The following PIM2 variants were observed in gnomAD, a reference collection of about 807,000 sequenced individuals.
PIM2 encodes the protein serine/threonine-protein kinase pim-2.
In PIM2, 3 loss-of-function variants were observed where a neutral mutation model predicts 18.0. The ratio of observed to expected loss-of-function variants is 0.17; its 90% CI spans 0.08 to 0.43. The LOEUF (loss-of-function observed/expected upper bound fraction) is 0.43, where lower values mean the gene tolerates loss of function less well. Among genes scored for constraint, PIM2 ranks in the 20% least tolerant of loss-of-function variants. PIM2 has a pLI of 0.99. For missense variants in PIM2, 181 were observed against 260.8 expected, an observed-to-expected ratio of 0.69 and a Z score of 2.11; for synonymous variants, 117 against 105.3, an observed-to-expected ratio of 1.11 and a Z score of -0.68.
chrX:48,918,519 A>G lies in PIM2; in HGVS notation c.171+17T>C. On this transcript the variant is annotated intron_variant, in intron 2 of 5. Coordinates refer to ENST00000376509, the MANE Select transcript of PIM2 (RefSeq NM_006875.4). ...GCCACACGCACCTGACCCTCCCAAG[A>G]CCCTCATGACGGATACCTGGAGTCG... is the stretch of plus-strand genomic sequence containing the variant. The G allele has an allele frequency of 3.5e-6, 4 of 1,142,634 alleles. 1 individual carries two copies. The Admixed American group carries it at 6.7e-5, about 19-fold the overall frequency. The allele number at this position is 1,142,634 out of a possible 1,213,427, so 94.2% of individuals were successfully genotyped here. A position where few individuals can be genotyped will look rare whatever the true frequency, so the allele number is the denominator to read the frequency against.
At position 48,917,835 on chromosome X, in the gene PIM2, GAGA is replaced by G. The variant is rs1569512379; in HGVS notation, c.172-7_172-5del. 2.5e-6 allele frequency: 3 copies of G among 1,194,323 alleles called. No homozygotes were observed. The highest frequency in any genetic ancestry group is 3.0e-5 in the East Asian group (1 of 33,130). On this transcript the variant is annotated splice_region_variant and splice_polypyrimidine_tract_variant and intron_variant, in intron 2 of 5. Transcript: ENST00000376509. Reference sequence around the variant, plus strand: ...GGGGAATCACTTTGATGGCCACCTGGAGAAGAAGGCCGTGATAAGGAGGCCAGC... The same window carrying G: ...GGGGAATCACTTTGATGGCCACCTGGAGAAGGCCGTGATAAGGAGGCCAGC...
chrX:48,918,097 G>C (rs1050257606), intron 2 of PIM2, among the ~76,000 whole-genome samples: 28 of 109,351 alleles, frequency 2.6e-4, no homozygotes, highest in African/African-American at 9.4e-4. Flanking sequence ...CTGAGTTCTA[G>C]ATTTCCTGAT....
chrX:48,914,860 T>C, intron 4 of PIM2, 160 bp downstream of exon 4: 1 of 526,132 alleles, frequency 1.9e-6, no homozygotes, highest in Non-Finnish European at 3.1e-6. Context: ...AGATGGACTT[T>C]ATCAGAGGGC....
rs781804057 is a variant in PIM2 at position 48,915,407 on chromosome X, G to T, written c.223-15C>A. 5 of 1,186,230 alleles carry T rather than the reference G, an allele frequency of 4.2e-6. No homozygotes were observed. The highest frequency in any genetic ancestry group is 1.8e-5 in the African/African-American group (1 of 56,787). On this transcript the variant is annotated splice_polypyrimidine_tract_variant and intron_variant, in intron 3 of 5. Transcript: ENST00000376509. ...ACTGAGTCTGACTGGGGGCACAGGT[G>T]GGGTGGGAAGCAGGGAGAGAAAAAA...
In PIM2 at chrX:48,913,414, C is replaced by T. The variant is rs1248416687; in HGVS notation, c.*717G>A. 1.8e-5 allele frequency: 2 copies of T among 108,780 alleles called. No homozygotes were observed. Among genetic ancestry groups the T allele is most frequent in the Non-Finnish European group, 3.8e-5 (2 of 52,312 alleles). The allele number at this position is 108,780 out of a possible 1,213,427, so 9.0% of individuals were successfully genotyped here. A position where few individuals can be genotyped will look rare whatever the true frequency, so the allele number is the denominator to read the frequency against. On this transcript the variant is annotated 3_prime_UTR_variant, in exon 6 of 6. Coordinates refer to ENST00000376509, the MANE Select transcript of PIM2 (RefSeq NM_006875.4). ...CAAGCCTTATTTCCCCTAGCCCATC[C>T]CCCAAAAAACCATCCATCCCATCCT...
Position 48,915,536 on chromosome X carries a change from C to T in PIM2, c.223-144G>A, listed in dbSNP as rs1209997838. 5.6e-6 allele frequency: 3 copies of T among 531,552 alleles called. No homozygotes were observed. In the African/African-American group the frequency reaches 7.1e-5, roughly 13 times the overall value. 43.8% of individuals were successfully genotyped at this position (531,552 alleles called of 1,213,427 possible). ...AAGCAACTCACTTCCCTTCCTGGGC[C>T]TCACTTTCCCTAAAGACACAAACTC... is the stretch of plus-strand genomic sequence containing the variant. On this transcript the variant is annotated intron_variant, in intron 3 of 5. Transcript: ENST00000376509.
Position 48,914,305 on chromosome X carries a change from A to G in PIM2, c.773-11T>C, listed in dbSNP as rs1557044954. 2 of 1,210,778 alleles carry G rather than the reference A, an allele frequency of 1.7e-6. No individual in the cohort carries two copies. The highest frequency in any genetic ancestry group is 2.2e-6 in the Non-Finnish European group (2 of 895,047). On this transcript the variant is annotated splice_polypyrimidine_tract_variant and intron_variant, in intron 5 of 5. Coordinates refer to ENST00000376509, the MANE Select transcript of PIM2 (RefSeq NM_006875.4). ...TTAGGGCACAGCAGTCTGTAGGCCA[A>G]GAAGCAGAGAGGGAAGATTAGCAGT... is the stretch of plus-strand genomic sequence containing the variant.
Position 48,915,262 on chromosome X carries a change from C to T in PIM2, c.353G>A (p.Arg118Gln), listed in dbSNP as rs2063559991. The change falls in exon 4 of 6, where the codon CGG becomes CAG. Residue 118 changes from arginine (R) to glutamine (Q), a missense_variant. Physicochemically the swap from Arg to Gln is conservative, Grantham distance 43 (BLOSUM62 1). Transcript: ENST00000376509. ...AAAGAGATCCTGGGCGGGCAAAGGC[C>T]GCTCGAGGACCAGCATGAAGCCCTC... is the stretch of plus-strand genomic sequence containing the variant. ...TQEGFMLVLERPLPAQDLFDY... is the reference protein window; with the variant it reads ...TQEGFMLVLEQPLPAQDLFDY... 8.3e-7 allele frequency: 1 copy of T among 1,210,633 alleles called. No individual in the cohort carries two copies. Among genetic ancestry groups the T allele is most frequent in the Non-Finnish European group, 1.1e-6 (1 of 895,303 alleles).
At chrX:48,918,378 A>G (rs2063569398) in intron 2 of PIM2, among the ~76,000 whole-genome samples, 158 bp downstream of exon 2, 1 of 87,409 alleles carries the variant, frequency 1.1e-5, no homozygotes, top group Admixed American at 1.4e-4. Context: ...CACACACTGC[A>G]GGCTCACTCC....
In PIM2 at chrX:48,918,908, G is replaced by A. The variant is rs2063571313; in HGVS notation, c.-74C>T. The A allele has an allele frequency of 3.2e-6, 3 of 937,939 alleles. No individual in the cohort carries two copies. Among genetic ancestry groups the A allele is most frequent in the Middle Eastern group, 3.9e-4 (1 of 2,537 alleles). The allele number at this position is 937,939 out of a possible 1,213,427, so 77.3% of individuals were successfully genotyped here. A position where few individuals can be genotyped will look rare whatever the true frequency, so the allele number is the denominator to read the frequency against. ...GGGCGTGGACGCCCGGGGCAGCGCA[G>A]CTGGGGAGCCAGGGCTGGGGGGCGC... On this transcript the variant is annotated 5_prime_UTR_variant, in exon 1 of 6. Transcript: ENST00000376509.
chrX:48,914,868 G>A lies in PIM2; in HGVS notation c.595+152C>T. ...CATTAAAAGATGGACTTTATCAGAG[G>A]GCAAGGCTGAGAATCCCCAGTATTA... is the stretch of plus-strand genomic sequence containing the variant. On this transcript the variant is annotated intron_variant, in intron 4 of 5. Coordinates refer to ENST00000376509, the MANE Select transcript of PIM2 (RefSeq NM_006875.4). 3 of 543,838 alleles carry A rather than the reference G, an allele frequency of 5.5e-6. No individual in the cohort carries two copies. The South Asian group carries it at 1.0e-4, about 18-fold the overall frequency. The allele number at this position is 543,838 out of a possible 1,213,427, so 44.8% of individuals were successfully genotyped here.
Position 48,914,163 on chromosome X carries a change from G to A in PIM2, c.904C>T (p.Pro302Ser). ...AGCAAGGACCAGGCCAAAGGGGCAG[G>A]GCCTCCTTTGGAGGGGTTGAGGGGT... Reference protein sequence around the residue: ...DVPLNPSKGGPAPLAWSLLP With the variant: ...DVPLNPSKGGSAPLAWSLLP The change falls in exon 6 of 6, where the codon CCT (proline) becomes TCT (serine). Residue 302 changes from proline (P) to serine (S), a missense_variant. Pro to Ser is a moderately conservative substitution (Grantham distance 74). Transcript: ENST00000376509. 1 of 1,152,020 alleles carries A rather than the reference G, an allele frequency of 8.7e-7. No individual in the cohort carries two copies. The highest frequency in any genetic ancestry group is 1.2e-6 in the Non-Finnish European group (1 of 865,459). 94.9% of individuals were successfully genotyped at this position (1,152,020 alleles called of 1,213,427 possible).
chrX:48,914,897 A>G (rs1557045052), intron 4 of PIM2, 123 bp downstream of exon 4: 1 of 625,626 alleles, frequency 1.6e-6, no homozygotes, highest in African/African-American at 2.3e-5. Flanking sequence ...AGTATTAGCA[A>G]TCGATCATCT....
At chrX:48,914,910 T>C in intron 4 of PIM2, 110 bp downstream of exon 4, 1 of 676,556 alleles carries the variant, frequency 1.5e-6, no homozygotes, top group South Asian at 2.9e-5. Flanking sequence ...GATCATCTTA[T>C]ATAATGCAGT....
At position 48,915,004 on chromosome X, in the gene PIM2, T is replaced by G; in HGVS notation, c.595+16A>C. On this transcript the variant is annotated intron_variant, in intron 4 of 5. Coordinates refer to ENST00000376509, the MANE Select transcript of PIM2 (RefSeq NM_006875.4). ...AGTAAAAACAATCCCTCCAGGGAGATTTAGAGAAGCCTTACCATCAAAGTC... is the reference window on the plus strand; with the variant it reads ...AGTAAAAACAATCCCTCCAGGGAGAGTTAGAGAAGCCTTACCATCAAAGTC... The G allele has an allele frequency of 8.4e-7, 1 of 1,183,527 alleles. No homozygotes were observed. Among genetic ancestry groups the G allele is most frequent in the Non-Finnish European group, 1.1e-6 (1 of 878,801 alleles).
intron 4 of PIM2, 97 bp downstream of exon 4, chrX:48,914,922 TG>T: frequency 1.3e-6 from 1 of 759,018 alleles, no homozygotes; most frequent in Non-Finnish European, 1.9e-6. Context: ...TAATGCAGTA[TG>T]GGTCAAGGAT....
chrX:48,914,343 C>T, intron 5 of PIM2, 49 bp from the exon 6 acceptor site: 2 of 1,210,550 alleles, frequency 1.7e-6, no homozygotes. Context: ...GTAGGGGGTA[C>T]TGGTCCCTGA....
chrX:48,918,510 C>A, intron 2 of PIM2, 26 bp downstream of exon 2: 2 of 1,105,663 alleles, frequency 1.8e-6, no homozygotes, highest in Non-Finnish European at 2.5e-6. Flanking sequence ...CGCACCTGAC[C>A]CTCCCAAGAC....
In PIM2 at chrX:48,913,440, A is replaced by AGTGTCTGGTG. The variant is rs1292115497; in HGVS notation, c.*681_*690dup. 9.4e-6 allele frequency: 1 copy of AGTGTCTGGTG among 106,729 alleles called. No homozygotes were observed. The allele number at this position is 106,729 out of a possible 1,213,427, so 8.8% of individuals were successfully genotyped here. The stretch of plus-strand genomic sequence containing the variant: ...CCCAAAAAACCATCCATCCCATCCT[A>AGTGTCTGGTG]GTGTCTGGTGGTGTCCGGTGGTGTC... On this transcript the variant is annotated 3_prime_UTR_variant, in exon 6 of 6. Coordinates refer to ENST00000376509, the MANE Select transcript of PIM2 (RefSeq NM_006875.4).
Sources: gnomAD v4.1 joint callset for allele counts (sites outside exome capture counted in the v4.1 genomes callset) on GRCh38, gnomAD v4.1.1 for gene constraint, MANE v1.5 for transcripts, NCBI Gene and HGNC (gene_info 2026-07-23, HGNC 2026-07-21) for gene names.